The following HTR1D variants were observed in gnomAD, a reference collection of about 807,000 sequenced individuals.
HTR1D encodes the protein 5-HT-1D.
A neutral mutation model predicts 21.1 loss-of-function variants in HTR1D; 18 were observed. The ratio of observed to expected loss-of-function variants is 0.85; its 90% CI spans 0.59 to 1.27. The LOEUF (loss-of-function observed/expected upper bound fraction) is 1.27, where lower values mean the gene tolerates loss of function less well. HTR1D is among the 50% of genes most tolerant of loss of function. The pLI is 0.00. For missense variants in HTR1D, 456 were observed against 481.4 expected (o/e 0.95, Z 0.49); for synonymous variants, 196 against 204.4 (o/e 0.96, Z 0.35).
intron 1 of HTR1D, among the ~76,000 whole-genome samples, chr1:23,207,140 T>C (rs1468761584): frequency 6.6e-6 from 1 of 152,166 alleles, no homozygotes; most frequent in Non-Finnish European, 1.5e-5. Flanking sequence ...GGCTCACATC[T>C]GTAATCTCAG....
intron 1 of HTR1D, among the ~76,000 whole-genome samples, chr1:23,198,352 C>A (rs1227334162): frequency 1.8e-5 from 2 of 113,890 alleles, no homozygotes; most frequent in African/African-American, 7.2e-5. Context: ...GGTGATGGAG[C>A]GAGACTCCGT....
chr1:23,212,210 C>T (rs961327343), intron 1 of HTR1D, among the ~76,000 whole-genome samples: 1 of 152,162 alleles, frequency 6.6e-6, no homozygotes, highest in African/African-American at 2.4e-5. Context: ...TAGGGAGGGA[C>T]CTGATCACTT....
At chr1:23,207,840 C>A (rs1401752077) in intron 1 of HTR1D, among the ~76,000 whole-genome samples, 1 of 149,182 alleles carries the variant, frequency 6.7e-6, no homozygotes, top group Non-Finnish European at 1.5e-5. Flanking sequence ...CAGCTCACTG[C>A]AACCTCCGCC....
At chr1:23,197,844 C>T (rs948754956) in intron 1 of HTR1D, among the ~76,000 whole-genome samples, 15 of 151,766 alleles carry the variant, frequency 9.9e-5, no homozygotes, top group African/African-American at 3.6e-4. Context: ...CAAGACCAGC[C>T]TGGGCAACAT....
Position 23,207,325 on chromosome 1 carries a change from C to T in HTR1D, c.-783+9966G>A, listed in dbSNP as rs368656860. ...TCAGGAGGCTGAGGCAGGAGAATCG[C>T]TTGAACCCAGGAGGCAGAGGTTGCA... On this transcript the variant is annotated intron_variant, in intron 1 of 1. Coordinates refer to ENST00000374619, the MANE Select transcript of HTR1D (RefSeq NM_000864.5). Among the ~76,000 whole-genome samples the T allele has an allele frequency of 3.3e-5, 5 of 152,200 alleles. No individual in the cohort carries two copies. The East Asian group carries it at 5.8e-4, about 18-fold the overall frequency.
chr1:23,204,089 G>A (rs1383833676), intron 1 of HTR1D, among the ~76,000 whole-genome samples: 5 of 152,032 alleles, frequency 3.3e-5, no homozygotes, highest in Admixed American at 2.6e-4. Flanking sequence ...ATGTGGAACT[G>A]TGAGTCAATT....
chr1:23,192,945 A>G lies in HTR1D; in HGVS notation c.*141T>C. The G allele has an allele frequency of 1.9e-6, 1 of 514,506 alleles. No individual in the cohort carries two copies. The highest frequency in any genetic ancestry group is 3.2e-6 in the Non-Finnish European group (1 of 315,724). The allele number at this position is 514,506 out of a possible 1,614,324, so 31.9% of individuals were successfully genotyped here. A position where few individuals can be genotyped will look rare whatever the true frequency, so the allele number is the denominator to read the frequency against. On this transcript the variant is annotated 3_prime_UTR_variant, in exon 2 of 2. Transcript: ENST00000374619. ...TTCAGAAGTTAAGAAAACAACAGGA[A>G]AAAGAACAATTCTGTTGATTGAACC...
In HTR1D at chr1:23,193,156, A is replaced by G. The variant is rs1644666600; in HGVS notation, c.1064T>C (p.Ile355Thr). ...AAACTCTTCATTAAACACAGTGTAG[A>G]TTATTGGATTGATGAGGGAGTTTAA... ...GYLNSLINPI[I>T]YTVFNEEFRQ... Residue 355 changes from isoleucine to threonine, a missense_variant, in exon 2 of 2, where the codon ATC becomes ACC. Physicochemically the swap from Ile to Thr is moderately conservative, Grantham distance 89. Coordinates refer to ENST00000374619, the MANE Select transcript of HTR1D (RefSeq NM_000864.5). 1.2e-6 allele frequency: 2 copies of G among 1,613,954 alleles called. No individual in the cohort carries two copies. Among genetic ancestry groups the G allele is most frequent in the Non-Finnish European group, 1.7e-6 (2 of 1,179,954 alleles).
intron 1 of HTR1D, among the ~76,000 whole-genome samples, chr1:23,208,048 C>A (rs541369232): frequency 1.3e-5 from 2 of 152,236 alleles, no homozygotes; most frequent in East Asian, 3.9e-4. Context: ...TAGGCGTGAG[C>A]CACTGCACCC....
chr1:23,193,499 T>C lies in HTR1D; in HGVS notation c.721A>G (p.Thr241Ala). The change falls in exon 2 of 2, where the codon ACG becomes GCG. Residue 241 changes from threonine to alanine, a missense_variant. Physicochemically the swap from Thr to Ala is moderately conservative, Grantham distance 58. Coordinates refer to ENST00000374619, the MANE Select transcript of HTR1D (RefSeq NM_000864.5). ...GCAGAGCCTGTGATGAGGTGGGCCG[T>C]GGTGAAGCGCTTCCCATAGAGTGAG... is the stretch of plus-strand genomic sequence containing the variant. Reference protein sequence around the residue: ...PPSLYGKRFTTAHLITGSAGS... With the variant: ...PPSLYGKRFTAAHLITGSAGS... 6.2e-7 allele frequency: 1 copy of C among 1,613,958 alleles called. No individual in the cohort carries two copies. The highest frequency in any genetic ancestry group is 1.6e-4 in the Middle Eastern group (1 of 6,062).
intron 1 of HTR1D, among the ~76,000 whole-genome samples, chr1:23,196,442 CA>C (rs560936417): frequency 3.1e-3 from 370 of 118,382 alleles, no homozygotes; most frequent in Middle Eastern, 4.7e-3. Flanking sequence ...GAAACTCTGC[CA>C]AAAAAAAAAA....
Position 23,193,925 on chromosome 1 carries a change from T to C in HTR1D, c.295A>G (p.Thr99Ala). The change falls in exon 2 of 2, where the codon ACC becomes GCC. Residue 99 changes from threonine to alanine, a missense_variant. Transcript: ENST00000374619. ...ILVMPISIAY[T>A]ITHTWNFGQI... is the part of the protein sequence containing the mutation. ...CCAAAGTTCCAGGTGTGGGTGATGG[T>C]ATAGGCGATGCTGATGGGCATTACC... 6.2e-7 allele frequency: 1 copy of C among 1,614,146 alleles called. No individual in the cohort carries two copies. The highest frequency in any genetic ancestry group is 2.2e-5 in the East Asian group (1 of 44,886).
At chr1:23,213,186 C>A (rs962745446) in intron 1 of HTR1D, among the ~76,000 whole-genome samples, 3 of 152,142 alleles carry the variant, frequency 2.0e-5, no homozygotes, top group Non-Finnish European at 2.9e-5. Flanking sequence ...GCTTTGAATT[C>A]TTCCTTACTC....
intron 1 of HTR1D, among the ~76,000 whole-genome samples, chr1:23,209,091 G>T (rs1051137711): frequency 6.6e-6 from 1 of 150,420 alleles, no homozygotes; most frequent in Non-Finnish European, 1.5e-5. Flanking sequence ...TTCCTCTCTG[G>T]TTCAAGCAAT....
rs751319887 is a variant in HTR1D, at chr1:23,193,093, GC to G, written c.1126del (p.Ala376ProfsTer7). On this transcript the variant is annotated frameshift_variant, in exon 2 of 2. Transcript: ENST00000374619. LOFTEE classifies it high-confidence loss of function. ...AGTCATCACCGAATAAGACTAGGAG[GC>G]CTTCCGGAAAGGGACAATTTTCTGA... is the stretch of plus-strand genomic sequence containing the variant. ...AFQKIVPFRK[A>X]S is the part of the protein sequence containing the mutation. 6.2e-7 allele frequency: 1 copy of G among 1,605,022 alleles called. No homozygotes were observed. The highest frequency in any genetic ancestry group is 1.1e-5 in the South Asian group (1 of 89,994).
At chr1:23,205,757 G>C (rs1025693971) in intron 1 of HTR1D, among the ~76,000 whole-genome samples, 1 of 152,114 alleles carries the variant, frequency 6.6e-6, no homozygotes, top group African/African-American at 2.4e-5. Context: ...GGTCAGGCTG[G>C]TCTCGAACTC....
intron 1 of HTR1D, among the ~76,000 whole-genome samples, chr1:23,203,991 A>T (rs1003710122): frequency 2.6e-4 from 39 of 152,158 alleles, no homozygotes; most frequent in Admixed American, 7.9e-4. Flanking sequence ...AAAAAATGTT[A>T]AAAAAAATTA....
At position 23,194,006 on chromosome 1, in the gene HTR1D, G is replaced by T; in HGVS notation, c.214C>A (p.Pro72Thr). Residue 72 changes from proline to threonine, a missense_variant, in exon 2 of 2, where the codon CCT becomes ACT. Pro to Thr is a conservative substitution (Grantham distance 38). Transcript: ENST00000374619. Reference protein sequence around the residue: ...TILLTRKLHTPANYLIGSLAT... With the variant: ...TILLTRKLHTTANYLIGSLAT... ...AGGGAGCCAATCAGGTAGTTGGCAG[G>T]GGTGTGGAGCTTCCTGGTGAGTAAG... The T allele has an allele frequency of 6.2e-7, 1 of 1,614,168 alleles. No homozygotes were observed. Among genetic ancestry groups the T allele is most frequent in the Non-Finnish European group, 8.5e-7 (1 of 1,180,032 alleles).
chr1:23,197,122 G>C (rs1441295134), intron 1 of HTR1D, among the ~76,000 whole-genome samples: 2 of 152,098 alleles, frequency 1.3e-5, no homozygotes, highest in Admixed American at 6.6e-5. Flanking sequence ...GCATTCCAGT[G>C]ACCTAATTTC....
Sources: gnomAD v4.1 joint callset for allele counts (sites outside exome capture counted in the v4.1 genomes callset) on GRCh38, gnomAD v4.1.1 for gene constraint, MANE v1.5 for transcripts, NCBI Gene and HGNC (gene_info 2026-07-23, HGNC 2026-07-21) for gene names.